PLXDC1: variants seen among roughly 807,000 people sequenced by gnomAD.
The protein encoded by PLXDC1 is plexin domain containing 1, also known as plexin domain-containing protein 1.
Under a neutral mutation model 61.3 loss-of-function variants are expected in PLXDC1, and 39 were observed. The ratio of observed to expected loss-of-function variants is 0.64; its 90% CI spans 0.49 to 0.83. The LOEUF is 0.83. Among genes scored for constraint, PLXDC1 ranks in the 40% least tolerant of loss-of-function variants. PLXDC1 has a pLI of 0.00. For missense variants in PLXDC1, 596 were observed against 666.5 expected, an observed-to-expected ratio of 0.89 and a Z score of 1.17; for synonymous variants, 212 against 254.5, an observed-to-expected ratio of 0.83 and a Z score of 1.59.
rs966537642 is a variant in PLXDC1, at chr17:39,151,609, C to T, written c.-172G>A. On this transcript the variant is annotated 5_prime_UTR_variant, in exon 1 of 14. Transcript: ENST00000315392. This position sits in a 1 kb window ranked among gnomAD's most constrained non-coding sequence, Gnocchi z 5.2. ...CCGGCAGGAGCGGCGAGAGCGCGAG[C>T]GGAGCTGGAGGCTGCGGCCTCCGGG... 2 of 1,078,836 alleles carry T rather than the reference C, an allele frequency of 1.9e-6. No individual in the cohort carries two copies. Among genetic ancestry groups the T allele is most frequent in the Non-Finnish European group, 2.2e-6 (2 of 890,032 alleles). 66.8% of individuals were successfully genotyped at this position (1,078,836 alleles called of 1,614,324 possible).
intron 12 of PLXDC1, among the ~76,000 whole-genome samples, chr17:39,070,704 G>T (rs912529264): frequency 6.6e-6 from 1 of 152,168 alleles, no homozygotes; most frequent in African/African-American, 2.4e-5. Context: ...GGGGCTGGCC[G>T]CAGTGGCTCA....
At chr17:39,150,221 A>G (rs117620922) in intron 1 of PLXDC1, among the ~76,000 whole-genome samples, 1,970 of 151,826 alleles carry the variant, frequency 0.013, 27 homozygotes, top group Non-Finnish European at 0.02. Flanking sequence ...CTCTGCCCAT[A>G]CTTCCCACTG....
At chr17:39,075,111 C>T (rs545404461) in intron 11 of PLXDC1, among the ~76,000 whole-genome samples, 1 of 152,286 alleles carries the variant, frequency 6.6e-6, no homozygotes, top group Non-Finnish European at 1.5e-5. Flanking sequence ...ACATGTGCGC[C>T]ACCACGCCCA....
chr17:39,094,992 A>T (rs900509369), intron 7 of PLXDC1, among the ~76,000 whole-genome samples: 29 of 152,170 alleles, frequency 1.9e-4, no homozygotes, highest in Non-Finnish European at 3.4e-4. Context: ...AGGGTGGGGC[A>T]CAGATAGAGA....
intron 2 of PLXDC1, among the ~76,000 whole-genome samples, chr17:39,128,931 A>G (rs2143846572): frequency 6.6e-6 from 1 of 151,528 alleles, no homozygotes; most frequent in East Asian, 2.0e-4. Context: ...AATGGCTTGA[A>G]CCTGGTAGGT....
chr17:39,152,664 C>G, upstream of PLXDC1: 1 of 1,235,650 alleles, frequency 8.1e-7, no homozygotes, highest in South Asian at 3.8e-5. Flanking sequence ...AGGAAGGGTG[C>G]GAACGCTGAG....
intron 11 of PLXDC1, among the ~76,000 whole-genome samples, chr17:39,076,658 A>G (rs1909348688): frequency 6.6e-6 from 1 of 151,982 alleles, no homozygotes; most frequent in African/African-American, 2.4e-5. Context: ...GAGGCTGTAA[A>G]GAACCCACAA....
chr17:39,141,603 T>A (rs2143950558), intron 1 of PLXDC1, among the ~76,000 whole-genome samples: 1 of 152,362 alleles, frequency 6.6e-6, no homozygotes, highest in South Asian at 2.1e-4. Flanking sequence ...AACATGGGTG[T>A]ACAAATATCT....
chr17:39,077,028 C>T (rs921827824), intron 11 of PLXDC1, among the ~76,000 whole-genome samples: 5 of 151,984 alleles, frequency 3.3e-5, no homozygotes, highest in Non-Finnish European at 4.4e-5. Context: ...CCACCGCGCC[C>T]GGCCAATTTT....
At chr17:39,109,940 C>T (rs1032433756) in intron 2 of PLXDC1, among the ~76,000 whole-genome samples, 3 of 152,014 alleles carry the variant, frequency 2.0e-5, no homozygotes, top group African/African-American at 4.8e-5. Context: ...GTCAGGAGTT[C>T]GAGACCAGCC....
intron 6 of PLXDC1, 98 bp downstream of exon 6, chr17:39,107,309 A>G (rs1238124118): frequency 2.7e-6 from 2 of 732,214 alleles, no homozygotes; most frequent in Non-Finnish European, 4.7e-6. Context: ...TATTACCAGC[A>G]GCAAGCCCCA....
At chr17:39,148,800 G>A (rs1209740569) in intron 1 of PLXDC1, among the ~76,000 whole-genome samples, 2 of 152,070 alleles carry the variant, frequency 1.3e-5, no homozygotes, top group East Asian at 3.8e-4. Flanking sequence ...CTGGTCTAAA[G>A]CTATCCTCCC....
chr17:39,109,085 C>A, intron 3 of PLXDC1, 112 bp from the exon 4 acceptor site: 1 of 1,229,552 alleles, frequency 8.1e-7, no homozygotes. Flanking sequence ...TGCCCAGGGC[C>A]ACTGCTGGGC....
At position 39,107,483 on chromosome 17, in the gene PLXDC1, C is replaced by T. The variant is rs376014326; in HGVS notation, c.635G>A (p.Gly212Asp). The T allele has an allele frequency of 3.1e-6, 5 of 1,614,050 alleles. No homozygotes were observed. The highest frequency in any genetic ancestry group is 2.5e-6 in the Non-Finnish European group (3 of 1,179,932). The part of the protein sequence containing the change: ...VVQWDHVYLQ[G>D]WEDKGSFTFQ... ...GGTGAAACTGCCCTTGTCTTCCCAG[C>T]CTTGGAGATAAACGTGGTCCCACTG... Residue 212 changes from glycine to aspartate, a missense_variant, in exon 6 of 14, where the codon GGC becomes GAC. Transcript: ENST00000315392.
At chr17:39,111,020 T>G (rs552030378) in intron 2 of PLXDC1, among the ~76,000 whole-genome samples, 2 of 152,206 alleles carry the variant, frequency 1.3e-5, no homozygotes, top group East Asian at 3.9e-4. Flanking sequence ...CTGAAGACAC[T>G]GTCCTCGAGA....
intron 7 of PLXDC1, among the ~76,000 whole-genome samples, chr17:39,095,574 C>T (rs1910157173): frequency 6.6e-6 from 1 of 152,000 alleles, no homozygotes; most frequent in Non-Finnish European, 1.5e-5. Flanking sequence ...TTCAGAAATA[C>T]TCAGGTCCAG....
intron 2 of PLXDC1, among the ~76,000 whole-genome samples, 198 bp from the exon 3 acceptor site, chr17:39,109,589 G>A (rs985989814): frequency 1.3e-5 from 2 of 152,164 alleles, no homozygotes; most frequent in African/African-American, 4.8e-5. Flanking sequence ...TCACTAGCTG[G>A]CCCCTAGTGG....
intron 2 of PLXDC1, among the ~76,000 whole-genome samples, chr17:39,129,688 A>AAGG (rs1567770357): frequency 4.6e-5 from 3 of 65,024 alleles, no homozygotes; most frequent in African/African-American, 2.4e-4. Context: ...AGGGAGAAAG[A>AAGG]AAAGAAAGAA....
chr17:39,100,756 C>T (rs1301797406), intron 7 of PLXDC1, among the ~76,000 whole-genome samples: 1 of 152,238 alleles, frequency 6.6e-6, no homozygotes, highest in Non-Finnish European at 1.5e-5. Context: ...ACTGGCTCAA[C>T]ACAGGCGTTT....
Sources: gnomAD v4.1 joint callset for allele counts (sites outside exome capture counted in the v4.1 genomes callset) on GRCh38, gnomAD v4.1.1 for gene constraint, Gnocchi (gnomAD v3.1) non-coding constraint, MANE v1.5 for transcripts, NCBI Gene and HGNC (gene_info 2026-07-23, HGNC 2026-07-21) for gene names.